The following GLI2 variants were observed in gnomAD, a reference collection of about 807,000 sequenced individuals.
GLI2 encodes transcription activator GLI2.
In GLI2, 22 loss-of-function variants were observed where a neutral mutation model predicts 78.9. The ratio of observed to expected loss-of-function variants is 0.28; its 90% CI spans 0.20 to 0.40. GLI2 has a LOEUF of 0.40. Among genes scored for constraint, GLI2 ranks in the 10% least tolerant of loss-of-function variants. The pLI is 1.00. For missense variants in GLI2, 2,097 were observed against 2,213.2 expected (o/e 0.95, Z 1.05); for synonymous variants, 974 against 963.7 (o/e 1.01, Z -0.20).
At chr2:120,848,829 A>G (rs1687247947) in intron 2 of GLI2, among the ~76,000 whole-genome samples, 5 of 152,164 alleles carry the variant, frequency 3.3e-5, no homozygotes, top group African/African-American at 1.2e-4. Context: ...AGTGGCAGGA[A>G]GGGGCTGGGA....
At chr2:120,755,456 GT>G (rs1462831136) in intron 1 of GLI2, among the ~76,000 whole-genome samples, 2 of 151,990 alleles carry the variant, frequency 1.3e-5, no homozygotes, top group Non-Finnish European at 1.5e-5. Flanking sequence ...TGGGTTGGTG[GT>G]TTCCTTATTG....
Position 120,989,617 on chromosome 2 carries a change from C to G in GLI2, c.3652C>G (p.Pro1218Ala). The G allele has an allele frequency of 6.2e-7, 1 of 1,613,080 alleles. No homozygotes were observed. The highest frequency in any genetic ancestry group is 8.5e-7 in the Non-Finnish European group (1 of 1,179,912). The change falls in exon 14 of 14, where the codon CCT becomes GCT. Residue 1218 changes from proline to alanine, a missense_variant. Physicochemically the swap from Pro to Ala is conservative, Grantham distance 27. Around this residue, in one of 5 missense-constraint regions of GLI2, gnomAD observed 1,290 missense variants for 1,261.7 expected, o/e 1.02. Transcript: ENST00000361492. ...LRQPVAGSQC[P>A]GMTTTMSPHA... ...ACAGCCAGTGGCAGGCAGCCAGTGT[C>G]CTGGCATGACTACCACTATGAGCCC...
chr2:120,881,623 TG>T (rs1351864230), intron 2 of GLI2, among the ~76,000 whole-genome samples: 2 of 23,370 alleles, frequency 8.6e-5, no homozygotes, highest in South Asian at 2.5e-3. Context: ...GGAGGACAGG[TG>T]GGGGAGGACA....
chr2:120,785,492 C>T (rs1186670491), intron 1 of GLI2, among the ~76,000 whole-genome samples: 4 of 152,150 alleles, frequency 2.6e-5, no homozygotes, highest in African/African-American at 9.7e-5. Flanking sequence ...GGGAGGGCTG[C>T]AGCTGGGCAA....
At chr2:120,783,243 G>A (rs571086322) in intron 1 of GLI2, among the ~76,000 whole-genome samples, 9 of 152,248 alleles carry the variant, frequency 5.9e-5, no homozygotes, top group South Asian at 2.1e-4. Flanking sequence ...GCTTCCTGCC[G>A]TCTTGGAGGG....
At chr2:120,868,993 G>A (rs1042563638) in intron 2 of GLI2, among the ~76,000 whole-genome samples, 1 of 152,248 alleles carries the variant, frequency 6.6e-6, no homozygotes, top group South Asian at 2.1e-4. Flanking sequence ...GGAAGGACAT[G>A]ACCAGGTGGT....
intron 1 of GLI2, among the ~76,000 whole-genome samples, chr2:120,768,458 A>G (rs4848626): frequency 0.68 from 103,803 of 152,146 alleles, 37,071 homozygotes; most frequent in African/African-American, 0.91. Flanking sequence ...GGCTGAGAGC[A>G]GGTGGAGACC....
At chr2:120,788,079 C>T (rs1268018168) in intron 1 of GLI2, among the ~76,000 whole-genome samples, 2 of 152,188 alleles carry the variant, frequency 1.3e-5, no homozygotes, top group Admixed American at 1.3e-4. Context: ...GTGTGCCAGG[C>T]CCCATGTGAG....
intron 1 of GLI2, among the ~76,000 whole-genome samples, chr2:120,757,244 G>A (rs1451724398): frequency 7.1e-6 from 1 of 140,308 alleles, no homozygotes; most frequent in Admixed American, 7.3e-5. Flanking sequence ...TTTTTGGCAT[G>A]TCTGGTAATC....
At position 120,989,433 on chromosome 2, in the gene GLI2, G is replaced by T. The variant is rs764853095; in HGVS notation, c.3468G>T (p.Val1156=). The change falls in exon 14 of 14, where the codon GTG becomes GTT. Residue 1156 remains valine (V), a synonymous_variant. Coordinates refer to ENST00000361492, the MANE Select transcript of GLI2 (RefSeq NM_001374353.1). ...PPPFPQGNLA[V]VQQKPAFGQY... ...CCTTTCCTCAGGGCAACCTGGCGGT[G>T]GTGCAGCAGAAGCCTGCCTTTGGCC... 8.7e-6 allele frequency: 14 copies of T among 1,613,088 alleles called. No homozygotes were observed. The highest frequency in any genetic ancestry group is 1.6e-4 in the Middle Eastern group (1 of 6,062).
chr2:120,930,514 C>A (rs1407188159), intron 3 of GLI2, among the ~76,000 whole-genome samples: 1 of 152,228 alleles, frequency 6.6e-6, no homozygotes, highest in Non-Finnish European at 1.5e-5. Context: ...ATGGGTCCCT[C>A]TGACGAGTCC....
chr2:120,958,498 C>G (rs566972890), intron 5 of GLI2, among the ~76,000 whole-genome samples: 7 of 152,250 alleles, frequency 4.6e-5, no homozygotes, highest in African/African-American at 1.7e-4. Context: ...AGTGACATAT[C>G]GCCCTCGTAG....
chr2:120,891,738 C>T (rs1677691792), intron 2 of GLI2, among the ~76,000 whole-genome samples: 1 of 152,164 alleles, frequency 6.6e-6, no homozygotes, highest in African/African-American at 2.4e-5. Context: ...GCTTTCTTTA[C>T]AGGGGAAGGC....
intron 2 of GLI2, among the ~76,000 whole-genome samples, chr2:120,846,900 C>T (rs73949941): frequency 2.5e-4 from 38 of 152,336 alleles, no homozygotes; most frequent in African/African-American, 7.9e-4. Flanking sequence ...TTGCACAGCG[C>T]GGGCACCGCA....
intron 4 of GLI2, among the ~76,000 whole-genome samples, chr2:120,952,229 A>G (rs926394757): frequency 6.6e-5 from 10 of 152,266 alleles, no homozygotes; most frequent in Admixed American, 3.3e-4. Context: ...GCTGTTAGCC[A>G]CTCATTGTCC....
intron 1 of GLI2, among the ~76,000 whole-genome samples, chr2:120,766,495 G>A (rs1252619689): frequency 1.3e-5 from 2 of 152,206 alleles, no homozygotes; most frequent in African/African-American, 4.8e-5. Flanking sequence ...GAGAAGAAAA[G>A]TCAGTGGTCA....
intron 2 of GLI2, among the ~76,000 whole-genome samples, chr2:120,881,688 G>A (rs1460040953): frequency 2.6e-5 from 2 of 75,474 alleles, no homozygotes; most frequent in Non-Finnish European, 5.0e-5. Flanking sequence ...GGTGGGGGGA[G>A]GATAGTCGGG....
chr2:120,883,944 G>A lies in GLI2; in HGVS notation c.149-43417G>A, dbSNP rs572420043. Among the ~76,000 whole-genome samples the A allele has an allele frequency of 5.5e-4, 83 of 152,208 alleles. 1 individual carries two copies. The highest frequency in any genetic ancestry group is 8.4e-4 in the Non-Finnish European group (57 of 68,022). ...CTCCAGACCCCCGCAGCAGATGAGT[G>A]TGTGGAGGCCTGATTTTGGAGAGTG... On this transcript the variant is annotated intron_variant, in intron 2 of 13. Coordinates refer to ENST00000361492, the MANE Select transcript of GLI2 (RefSeq NM_001374353.1).
chr2:120,910,687 A>C (rs921253878), intron 2 of GLI2, among the ~76,000 whole-genome samples: 12 of 152,304 alleles, frequency 7.9e-5, no homozygotes, highest in African/African-American at 2.9e-4. Context: ...TTTTAACGCC[A>C]GTCAGAATGT....
Sources: gnomAD v4.1 joint callset for allele counts (sites outside exome capture counted in the v4.1 genomes callset) on GRCh38, gnomAD v4.1.1 for gene constraint, gnomAD v4.1.1 regional missense constraint, MANE v1.5 for transcripts, NCBI Gene and HGNC (gene_info 2026-07-23, HGNC 2026-07-21) for gene names.